Variants in RAPGEF6 observed in about 807,000 individuals in gnomAD.
RAPGEF6 encodes the protein Rap guanine nucleotide exchange factor 6, also known as PDZ domain containing guanine nucleotide exchange factor (GEF) 2.
RAPGEF6 carries 56 observed loss-of-function variants against 171.4 expected under a neutral mutation model. The observed-to-expected ratio is 0.33, with a 90% CI of 0.26 to 0.41. The LOEUF is 0.41. Ranked by LOEUF, RAPGEF6 falls within the 10% of genes least tolerant of loss-of-function variation. RAPGEF6 has a pLI of 1.00. For missense variants in RAPGEF6, 1,674 were observed against 1,921.4 expected (o/e 0.87, Z 2.41); for synonymous variants, 692 against 650.1 (o/e 1.06, Z -0.98).
chr5:131,454,219 A>G (rs1337964102), intron 20 of RAPGEF6, among the ~76,000 whole-genome samples: 2 of 152,220 alleles, frequency 1.3e-5, no homozygotes, highest in Non-Finnish European at 2.9e-5. Flanking sequence ...CTGAATGTAG[A>G]CTGGGATAAA....
At chr5:131,585,553 C>T (rs1449170471) in intron 4 of RAPGEF6, among the ~76,000 whole-genome samples, 3 of 152,148 alleles carry the variant, frequency 2.0e-5, no homozygotes, top group Admixed American at 2.0e-4. Context: ...CAGCTGGGCA[C>T]AGTGGCTCAC....
Position 131,430,996 on chromosome 5 carries a change from T to A in RAPGEF6, c.4328A>T (p.Tyr1443Phe). 6.2e-7 allele frequency: 1 copy of A among 1,614,224 alleles called. No individual in the cohort carries two copies. Among genetic ancestry groups the A allele is most frequent in the Non-Finnish European group, 8.5e-7 (1 of 1,180,034 alleles). Residue 1443 changes from tyrosine to phenylalanine, a missense_variant, in exon 26 of 28, where the codon TAT becomes TTT. Tyr to Phe is a conservative substitution (Grantham distance 22). Coordinates refer to ENST00000509018, the MANE Select transcript of RAPGEF6 (RefSeq NM_016340.6). ...WTSSSSLSDT[Y>F]EPNYGTVKQR... ...TTTAACTGTCCCATAGTTTGGTTCA[T>A]ACGTGTCAGACAGAGAACTGGAGGA... is the stretch of plus-strand genomic sequence containing the variant.
chr5:131,621,730 A>G (rs1354963968), intron 1 of RAPGEF6, among the ~76,000 whole-genome samples: 1 of 152,166 alleles, frequency 6.6e-6, no homozygotes, highest in Non-Finnish European at 1.5e-5. Flanking sequence ...CACAGGCACA[A>G]CGATCATGGG....
At chr5:131,514,385 G>A (rs1165388613) in intron 7 of RAPGEF6, among the ~76,000 whole-genome samples, 1 of 150,702 alleles carries the variant, frequency 6.6e-6, no homozygotes, top group African/African-American at 2.4e-5. Flanking sequence ...TGCAGTTCCT[G>A]GGCAGAAAGT....
Position 131,492,598 on chromosome 5 carries a change from A to T in RAPGEF6, c.1715T>A (p.Leu572Gln). ...TTTCCTTACCTGATCACCACGTTTC[A>T]GTCCTGAATCAGCAGCTTTGCTACC... ...EPGSKAADSGLKRGDQIMEVN... is the reference protein window; with the variant it reads ...EPGSKAADSGQKRGDQIMEVN... The change falls in exon 14 of 28, where the codon CTG (leucine) becomes CAG (glutamine). Residue 572 changes from leucine (L) to glutamine (Q), a missense_variant. Physicochemically the swap from Leu to Gln is moderately radical, Grantham distance 113. Around this residue, in one of 3 missense-constraint regions of RAPGEF6, gnomAD observed 1,116 missense variants for 1,321.5 expected, o/e 0.84. Transcript: ENST00000509018. 6.2e-7 allele frequency: 1 copy of T among 1,614,218 alleles called. No homozygotes were observed. Among genetic ancestry groups the T allele is most frequent in the Non-Finnish European group, 8.5e-7 (1 of 1,180,030 alleles).
chr5:131,635,188 C>T lies in RAPGEF6; in HGVS notation c.-158G>A, dbSNP rs1162007924. The T allele has an allele frequency of 1.4e-6, 1 of 722,382 alleles. No homozygotes were observed. The highest frequency in any genetic ancestry group is 2.2e-6 in the Non-Finnish European group (1 of 455,902). The allele number at this position is 722,382 out of a possible 1,614,324, so 44.7% of individuals were successfully genotyped here. ...AGCAAACAACCCTTCGCAACGCCCG[C>T]CTAAGGCCTCTACCCACGCGCGACT... On this transcript the variant is annotated 5_prime_UTR_variant, in exon 1 of 28. Coordinates refer to ENST00000509018, the MANE Select transcript of RAPGEF6 (RefSeq NM_016340.6).
intron 22 of RAPGEF6, among the ~76,000 whole-genome samples, chr5:131,444,280 C>T (rs1709289007): frequency 6.6e-6 from 1 of 152,152 alleles, no homozygotes; most frequent in Non-Finnish European, 1.5e-5. Context: ...TGCAATGGCT[C>T]ACCAACTAAT....
At chr5:131,613,686 T>G (rs781268664) in intron 1 of RAPGEF6, among the ~76,000 whole-genome samples, 4 of 152,136 alleles carry the variant, frequency 2.6e-5, no homozygotes, top group African/African-American at 4.8e-5. Context: ...CTGAAACATA[T>G]GGTCAAAAAT....
chr5:131,553,784 A>T (rs1237003515), intron 5 of RAPGEF6, among the ~76,000 whole-genome samples: 1 of 152,034 alleles, frequency 6.6e-6, no homozygotes, highest in Non-Finnish European at 1.5e-5. Context: ...AAATGAAGGA[A>T]CTGAATGGTA....
intron 1 of RAPGEF6, among the ~76,000 whole-genome samples, chr5:131,612,481 C>T (rs1456320592): frequency 6.6e-6 from 1 of 151,908 alleles, no homozygotes; most frequent in Non-Finnish European, 1.5e-5. Context: ...TTCAACTTAC[C>T]ATGGTTGTAT....
intron 9 of RAPGEF6, 133 bp downstream of exon 9, chr5:131,507,938 C>T (rs943138817): frequency 7.1e-6 from 6 of 844,934 alleles, no homozygotes; most frequent in South Asian, 2.5e-5. Context: ...CTAACTCAAA[C>T]TTGGCATTTA....
intron 17 of RAPGEF6, among the ~76,000 whole-genome samples, chr5:131,466,919 A>C (rs982498261): frequency 6.6e-6 from 1 of 152,216 alleles, no homozygotes; most frequent in African/African-American, 2.4e-5. Flanking sequence ...AAAAGGAACC[A>C]ACAATATACT....
intron 15 of RAPGEF6, among the ~76,000 whole-genome samples, chr5:131,482,637 C>A (rs1037331997): frequency 6.6e-6 from 1 of 152,126 alleles, no homozygotes; most frequent in African/African-American, 2.4e-5. Context: ...GACATTCATT[C>A]AAAAAATGTC....
At chr5:131,531,801 G>A (rs1024902456) in intron 6 of RAPGEF6, among the ~76,000 whole-genome samples, 3 of 152,122 alleles carry the variant, frequency 2.0e-5, no homozygotes, top group East Asian at 1.9e-4. Context: ...GCAAGTTAGA[G>A]TATGATCACT....
chr5:131,590,777 T>C (rs1763543009), intron 4 of RAPGEF6, among the ~76,000 whole-genome samples: 1 of 152,232 alleles, frequency 6.6e-6, no homozygotes, highest in African/African-American at 2.4e-5. Flanking sequence ...TAGTGAATTA[T>C]TGCAGTTGAT....
intron 5 of RAPGEF6, among the ~76,000 whole-genome samples, chr5:131,557,037 TG>T (rs1181688319): frequency 6.6e-6 from 1 of 152,130 alleles, no homozygotes; most frequent in Non-Finnish European, 1.5e-5. Flanking sequence ...CAGGAATAAT[TG>T]GGACTGCAGA....
intron 4 of RAPGEF6, among the ~76,000 whole-genome samples, chr5:131,580,132 G>A (rs1020140002): frequency 0.055 from 10 of 182 alleles, no homozygotes; most frequent in East Asian, 0.5. Context: ...GCCCACTGTG[G>A]GGGGGGGCTC....
chr5:131,594,559 G>C (rs906844115), intron 3 of RAPGEF6, among the ~76,000 whole-genome samples: 5 of 152,228 alleles, frequency 3.3e-5, no homozygotes, highest in African/African-American at 1.2e-4. Flanking sequence ...GCTGCGAAAA[G>C]GGGGCCATTG....
At chr5:131,576,174 T>C (rs1268300878) in intron 4 of RAPGEF6, among the ~76,000 whole-genome samples, 2 of 152,114 alleles carry the variant, frequency 1.3e-5, no homozygotes, top group East Asian at 1.9e-4. Flanking sequence ...CATTTCCCCA[T>C]ATTTCCCTCT....
Sources: allele counts gnomAD v4.1 joint callset (sites outside exome capture counted in the v4.1 genomes callset), GRCh38; gene constraint gnomAD v4.1.1; regional missense constraint gnomAD v4.1.1; transcripts MANE v1.5; gene names NCBI Gene and HGNC (gene_info 2026-07-23, HGNC 2026-07-21).